The following QRSL1 variants were observed in gnomAD, a reference collection of about 807,000 sequenced individuals.
QRSL1 encodes glutaminyl-tRNA amidotransferase subunit QRSL1, also known as glutamyl-tRNA(Gln) amidotransferase subunit A, mitochondrial.
Under a neutral mutation model 61.6 loss-of-function variants are expected in QRSL1, and 54 were observed. The ratio of observed to expected loss-of-function variants is 0.88; its 90% CI spans 0.70 to 1.10. The LOEUF is 1.10. QRSL1 is among the 50% of genes least tolerant of loss of function. The probability of loss-of-function intolerance (pLI) is 0.00; values close to 1 mark genes in which losing one functional copy is unlikely to be tolerated. For missense variants in QRSL1, 505 were observed against 622.6 expected (o/e 0.81, Z 2.01); for synonymous variants, 228 against 225.7 (o/e 1.01, Z -0.09).
chr6:106,643,140 T>C (rs1777048679), intron 4 of QRSL1, 50 bp downstream of exon 4: 2 of 1,275,542 alleles, frequency 1.6e-6, no homozygotes, highest in Admixed American at 2.0e-5. Flanking sequence ...TGTGCCTTTA[T>C]TTTCACTAAA....
At chr6:106,665,049 ACT>A (rs1188726436) in intron 10 of QRSL1, among the ~76,000 whole-genome samples, 4 of 152,210 alleles carry the variant, frequency 2.6e-5, no homozygotes, top group Non-Finnish European at 5.9e-5. Context: ...ATAAGCAATT[ACT>A]GTCAGTATTG....
intron 5 of QRSL1, among the ~76,000 whole-genome samples, chr6:106,650,395 G>T (rs1777173588): frequency 3.3e-5 from 5 of 152,214 alleles, no homozygotes; most frequent in Admixed American, 3.3e-4. Context: ...GGGCACAAGT[G>T]CCATGTTATT....
intron 3 of QRSL1, 162 bp from the exon 4 acceptor site, chr6:106,642,832 G>T (rs374812098): frequency 1.6e-5 from 12 of 758,626 alleles, no homozygotes; most frequent in Non-Finnish European, 2.9e-5. Context: ...TTCAACTGAC[G>T]TGCCAGCCTG....
chr6:106,656,845 C>T (rs72613240), intron 9 of QRSL1, among the ~76,000 whole-genome samples: 12,647 of 152,154 alleles, frequency 0.083, 721 homozygotes, highest in East Asian at 0.28. Flanking sequence ...TCTGTAGAGA[C>T]GGGATCCTGC....
intron 9 of QRSL1, among the ~76,000 whole-genome samples, chr6:106,659,051 T>G (rs1237689392): frequency 6.6e-6 from 1 of 152,218 alleles, no homozygotes; most frequent in Non-Finnish European, 1.5e-5. Flanking sequence ...TCTGTTATGT[T>G]GATTCTTTCC....
intron 4 of QRSL1, among the ~76,000 whole-genome samples, chr6:106,647,442 C>G (rs968669123): frequency 6.6e-6 from 1 of 150,494 alleles, no homozygotes; most frequent in Admixed American, 6.6e-5. Flanking sequence ...CCCAGCTACT[C>G]GAGAGGCATG....
chr6:106,648,097 ACCAT>A (rs956702466), intron 4 of QRSL1, among the ~76,000 whole-genome samples: 2 of 151,164 alleles, frequency 1.3e-5, no homozygotes, highest in African/African-American at 4.9e-5. Context: ...AGAGATTGAG[ACCAT>A]CCTGGCCAAC....
At position 106,632,846 on chromosome 6, in the gene QRSL1, CT is replaced by C. The variant is rs1210650416; in HGVS notation, c.24+3143del. 6.6e-5 allele frequency among the ~76,000 whole-genome samples: 10 copies of C among 152,260 alleles called. No homozygotes were observed. In the East Asian group the frequency reaches 1.9e-3, roughly 29 times the overall value. On this transcript the variant is annotated intron_variant, in intron 1 of 10. Transcript: ENST00000369046. ...TTGAGTTGTTTGAACTCCTTATATA[CT>C]TCGGTTATCAATCCCTTGTCAGCTG... is the stretch of plus-strand genomic sequence containing the variant.
At chr6:106,638,828 C>A (rs1026745122) in intron 1 of QRSL1, among the ~76,000 whole-genome samples, 1 of 152,082 alleles carries the variant, frequency 6.6e-6, no homozygotes, top group Non-Finnish European at 1.5e-5. Flanking sequence ...AATGCCATTG[C>A]GTTGATGATT....
At chr6:106,631,158 G>T (rs572779716) in intron 1 of QRSL1, among the ~76,000 whole-genome samples, 119 of 152,138 alleles carry the variant, frequency 7.8e-4, no homozygotes, top group African/African-American at 2.8e-3. Flanking sequence ...CCCGGGAGGC[G>T]GAGCTTGCAG....
intron 4 of QRSL1, among the ~76,000 whole-genome samples, chr6:106,647,443 G>A (rs747121976): frequency 2.3e-4 from 34 of 150,552 alleles, no homozygotes; most frequent in South Asian, 6.3e-4. Context: ...CCAGCTACTC[G>A]AGAGGCATGA....
At chr6:106,664,660 G>A (rs1270448501) in intron 10 of QRSL1, among the ~76,000 whole-genome samples, 1 of 152,170 alleles carries the variant, frequency 6.6e-6, no homozygotes, top group Non-Finnish European at 1.5e-5. Context: ...CTCATGATTG[G>A]GTTGAGTTAA....
At chr6:106,634,489 G>A (rs976461284) in intron 1 of QRSL1, among the ~76,000 whole-genome samples, 13 of 152,342 alleles carry the variant, frequency 8.5e-5, no homozygotes, top group African/African-American at 2.6e-4. Context: ...AAGACTGACC[G>A]GGTGCAATGG....
chr6:106,652,583 G>C lies in QRSL1; in HGVS notation c.849+1G>C. On this transcript the variant is annotated splice_donor_variant, in intron 7 of 10. Coordinates refer to ENST00000369046, the MANE Select transcript of QRSL1 (RefSeq NM_018292.5). LOFTEE classifies it high-confidence loss of function. ...CAAACTATGTATAGGAATTCCAAAGGTAACTTTTTCCTTTCATTACTTTAC... is the reference window on the plus strand; with the variant it reads ...CAAACTATGTATAGGAATTCCAAAGCTAACTTTTTCCTTTCATTACTTTAC... The C allele has an allele frequency of 6.2e-7, 1 of 1,614,108 alleles. No homozygotes were observed. The highest frequency in any genetic ancestry group is 8.5e-7 in the Non-Finnish European group (1 of 1,180,032).
intron 5 of QRSL1, among the ~76,000 whole-genome samples, chr6:106,649,628 T>A (rs1777164737): frequency 6.6e-6 from 1 of 152,174 alleles, no homozygotes; most frequent in African/African-American, 2.4e-5. Flanking sequence ...AAGATCAATC[T>A]TTTGAAAAAA....
intron 1 of QRSL1, chr6:106,640,111 A>C (rs1776993920): frequency 2.6e-6 from 1 of 379,002 alleles, no homozygotes; most frequent in Admixed American, 4.3e-5. Context: ...CCTGACTTTG[A>C]AACCAAAAGT....
chr6:106,651,645 A>T (rs1211091889), intron 5 of QRSL1, among the ~76,000 whole-genome samples: 1 of 152,212 alleles, frequency 6.6e-6, no homozygotes. Context: ...TTAAATTATT[A>T]AACATCTCAA....
At chr6:106,648,547 G>A (rs986934385) in intron 4 of QRSL1, among the ~76,000 whole-genome samples, 6 of 152,288 alleles carry the variant, frequency 3.9e-5, no homozygotes, top group East Asian at 1.9e-4. Flanking sequence ...AATGTTGACC[G>A]TAGGTATGTC....
Position 106,663,011 on chromosome 6 carries a change from A to G in QRSL1, c.1192A>G (p.Lys398Glu), listed in dbSNP as rs749187357. ...TGAAAATTATTTTGTCAAAGCACAG[A>G]AAGTGAGACGCCTCATTGCTAATGA... ...NYENYFVKAQ[K>E]VRRLIANDFV... The change falls in exon 10 of 11, where the codon AAA becomes GAA. Residue 398 changes from lysine to glutamate, a missense_variant. Transcript: ENST00000369046. 23 of 1,612,540 alleles carry G rather than the reference A, an allele frequency of 1.4e-5. No homozygotes were observed. In the South Asian group the frequency reaches 2.1e-4, roughly 15 times the overall value.
Sources: gnomAD v4.1 joint callset for allele counts (sites outside exome capture counted in the v4.1 genomes callset) on GRCh38, gnomAD v4.1.1 for gene constraint, MANE v1.5 for transcripts, NCBI Gene and HGNC (gene_info 2026-07-23, HGNC 2026-07-21) for gene names.